RBFOX1: variants seen among roughly 807,000 people sequenced by gnomAD.
RBFOX1 encodes RNA binding protein fox-1 homolog 1.
A neutral mutation model predicts 57.7 loss-of-function variants in RBFOX1; 8 were observed. That is an observed-to-expected ratio of 0.14 (90% CI 0.08 to 0.25). The LOEUF (loss-of-function observed/expected upper bound fraction) is 0.25, where lower values mean the gene tolerates loss of function less well. Among genes scored for constraint, RBFOX1 ranks in the 10% least tolerant of loss-of-function variants. The pLI is 1.00. For missense variants in RBFOX1, 611 were observed against 548.5 expected (o/e 1.11, Z -1.14); for synonymous variants, 326 against 222.4 (o/e 1.47, Z -4.15).
chr16:6,480,068 A>AAG (rs200157584), intron 2 of RBFOX1, among the ~76,000 whole-genome samples: 1 of 151,322 alleles, frequency 6.6e-6, no homozygotes, highest in African/African-American at 2.4e-5. Flanking sequence ...AAAAAAAAAA[A>AAG]TCACTGGTCT....
intron 4 of RBFOX1, among the ~76,000 whole-genome samples, chr16:7,079,038 TG>T (rs1207168948): frequency 6.6e-6 from 1 of 151,732 alleles, no homozygotes; most frequent in Non-Finnish European, 1.5e-5. Context: ...ATATCTTTTT[TG>T]GGGGGAAACA....
intron 2 of RBFOX1, among the ~76,000 whole-genome samples, chr16:5,593,526 C>T (rs528441543): frequency 5.3e-5 from 8 of 152,230 alleles, no homozygotes; most frequent in African/African-American, 1.9e-4. Flanking sequence ...AAACAGTTTG[C>T]AGTGGAGAAG....
At chr16:6,962,621 T>A (rs533478051) in intron 3 of RBFOX1, among the ~76,000 whole-genome samples, 1 of 152,178 alleles carries the variant, frequency 6.6e-6, no homozygotes, top group South Asian at 2.1e-4. Context: ...TCCCAGGGCT[T>A]TGGGAGGCCG....
At chr16:7,661,406 G>T (rs1011442387) in intron 12 of RBFOX1, among the ~76,000 whole-genome samples, 1 of 152,084 alleles carries the variant, frequency 6.6e-6, no homozygotes, top group Non-Finnish European at 1.5e-5. Flanking sequence ...CCAGCCATAG[G>T]TCTTGCCTTG....
chr16:6,385,450 C>T (rs2092190431), intron 2 of RBFOX1, among the ~76,000 whole-genome samples: 1 of 152,196 alleles, frequency 6.6e-6, no homozygotes, highest in Non-Finnish European at 1.5e-5. Context: ...ATCTCCTCCT[C>T]CCAGGATCAA....
intron 2 of RBFOX1, among the ~76,000 whole-genome samples, chr16:6,530,712 A>T (rs966159275): frequency 6.6e-6 from 1 of 151,254 alleles, no homozygotes; most frequent in African/African-American, 2.4e-5. Flanking sequence ...AGGTGAAGAG[A>T]GAGAGCTTCT....
intron 2 of RBFOX1, among the ~76,000 whole-genome samples, chr16:6,641,581 A>G (rs1370675473): frequency 6.6e-6 from 1 of 151,956 alleles, no homozygotes. Flanking sequence ...CTAGAAATAC[A>G]AAAGTTAGCT....
At chr16:6,889,556 G>T (rs1216760370) in intron 3 of RBFOX1, among the ~76,000 whole-genome samples, 1 of 152,182 alleles carries the variant, frequency 6.6e-6, no homozygotes, top group Non-Finnish European at 1.5e-5. Context: ...CTTGAATGAT[G>T]ATGGTTAGTA....
chr16:7,385,013 G>C (rs1393993928), intron 4 of RBFOX1, among the ~76,000 whole-genome samples: 1 of 152,190 alleles, frequency 6.6e-6, no homozygotes, highest in Admixed American at 6.5e-5. Flanking sequence ...TGCCAAGGCA[G>C]AGAGAAAGAA....
chr16:7,307,289 T>C (rs952338681), intron 4 of RBFOX1, among the ~76,000 whole-genome samples: 2 of 152,234 alleles, frequency 1.3e-5, no homozygotes, highest in African/African-American at 4.8e-5. Context: ...AATGACTTCA[T>C]TAAATGCTTT....
chr16:6,249,407 C>T (rs1259498715), intron 1 of RBFOX1, among the ~76,000 whole-genome samples: 1 of 152,264 alleles, frequency 6.6e-6, no homozygotes, highest in South Asian at 2.1e-4. Context: ...TGCCTGTAAT[C>T]CCAGCTACTC....
At chr16:6,493,300 G>T (rs976122407) in intron 2 of RBFOX1, among the ~76,000 whole-genome samples, 2 of 152,100 alleles carry the variant, frequency 1.3e-5, no homozygotes, top group Non-Finnish European at 2.9e-5. Flanking sequence ...GGGTGGTGGG[G>T]TGTTGGAATT....
intron 3 of RBFOX1, among the ~76,000 whole-genome samples, chr16:6,691,675 G>A (rs982490773): frequency 3.9e-5 from 6 of 152,166 alleles, no homozygotes; most frequent in Non-Finnish European, 5.9e-5. Context: ...GTAGGATAAT[G>A]GTCCTCCAAA....
intron 12 of RBFOX1, among the ~76,000 whole-genome samples, chr16:7,659,450 C>T (rs753054569): frequency 2.6e-5 from 4 of 152,100 alleles, no homozygotes; most frequent in Non-Finnish European, 5.9e-5. Context: ...ATACTAGGAA[C>T]AAAAGTCATC....
chr16:7,192,186 G>A (rs756619472), intron 4 of RBFOX1, among the ~76,000 whole-genome samples: 2 of 152,232 alleles, frequency 1.3e-5, no homozygotes, highest in African/African-American at 2.4e-5. Flanking sequence ...TAGTTCTGAT[G>A]CCAGATTTCT....
intron 1 of RBFOX1, among the ~76,000 whole-genome samples, chr16:6,151,632 A>C (rs544793024): frequency 6.6e-6 from 1 of 152,186 alleles, no homozygotes; most frequent in South Asian, 2.1e-4. Context: ...CATTTAATAG[A>C]TTACAGCCCA....
At chr16:7,569,768 C>T (rs747523776) in intron 5 of RBFOX1, among the ~76,000 whole-genome samples, 1 of 152,026 alleles carries the variant, frequency 6.6e-6, no homozygotes, top group Non-Finnish European at 1.5e-5. Flanking sequence ...TTTTGGAGAC[C>T]AAGGCAGAAG....
intron 2 of RBFOX1, among the ~76,000 whole-genome samples, chr16:6,378,959 AAAGAAAGTAGC>A (rs2091502733): frequency 6.6e-6 from 1 of 152,090 alleles, no homozygotes; most frequent in African/African-American, 2.4e-5. Flanking sequence ...GGCCCTGGAA[AAAGAAAGTAGC>A]AATGGAGCAG....
chr16:6,866,853 T>G (rs1603634283), intron 3 of RBFOX1, among the ~76,000 whole-genome samples: 1 of 151,758 alleles, frequency 6.6e-6, no homozygotes, highest in African/African-American at 2.4e-5. Flanking sequence ...AAGGTTAGGG[T>G]TTTCTAAGGT....
Sources: allele counts gnomAD v4.1 joint callset (sites outside exome capture counted in the v4.1 genomes callset), GRCh38; gene constraint gnomAD v4.1.1; transcripts MANE v1.5; gene names NCBI Gene and HGNC (gene_info 2026-07-23, HGNC 2026-07-21).